PLEKHG1: variants seen among roughly 807,000 people sequenced by gnomAD.
The protein encoded by PLEKHG1 is pleckstrin homology domain-containing family G member 1.
A neutral mutation model predicts 100.8 loss-of-function variants in PLEKHG1; 44 were observed. The observed-to-expected ratio is 0.44, with a 90% CI of 0.34 to 0.56. The LOEUF is 0.56. Among genes scored for constraint, PLEKHG1 ranks in the 20% least tolerant of loss-of-function variants. The pLI is 0.01. For synonymous variants in PLEKHG1, 640 were observed against 662.5 expected, an observed-to-expected ratio of 0.97 and a Z score of 0.52; for missense variants, 1,545 against 1,720.9, an observed-to-expected ratio of 0.90 and a Z score of 1.81.
At chr6:150,777,937 C>T (rs1328985618) in intron 3 of PLEKHG1, among the ~76,000 whole-genome samples, 2 of 152,264 alleles carry the variant, frequency 1.3e-5, no homozygotes, top group African/African-American at 4.8e-5. Flanking sequence ...GGAGTGTCTT[C>T]AGTGGCTGAT....
chr6:150,785,545 A>G (rs553269027), intron 3 of PLEKHG1, among the ~76,000 whole-genome samples: 1 of 152,230 alleles, frequency 6.6e-6, no homozygotes, highest in East Asian at 1.9e-4. Context: ...TAGTAAAAAA[A>G]TAACATGAAT....
intron 12 of PLEKHG1, among the ~76,000 whole-genome samples, chr6:150,820,070 G>A (rs1252300880): frequency 2.0e-5 from 3 of 152,102 alleles, no homozygotes; most frequent in Non-Finnish European, 2.9e-5. Flanking sequence ...TTAGCCAGGC[G>A]TGGTGGTGTG....
intron 3 of PLEKHG1, among the ~76,000 whole-genome samples, chr6:150,670,245 A>G (rs1296407376): frequency 1.3e-5 from 2 of 152,234 alleles, no homozygotes; most frequent in Non-Finnish European, 2.9e-5. Context: ...TTTTCTAATA[A>G]AAAATCAACT....
intron 2 of PLEKHG1, among the ~76,000 whole-genome samples, chr6:150,758,977 C>T (rs1430020108): frequency 6.6e-6 from 1 of 152,230 alleles, no homozygotes; most frequent in Non-Finnish European, 1.5e-5. Context: ...TAGCATGGTG[C>T]TCAGAGAGCT....
chr6:150,804,785 G>A (rs1159301305), intron 7 of PLEKHG1, 44 bp downstream of exon 8: 5 of 1,591,556 alleles, frequency 3.1e-6, no homozygotes, highest in Admixed American at 3.4e-5. Flanking sequence ...TGCAGGTGTA[G>A]TGACTTACTG....
At chr6:150,672,704 G>A (rs757936137) in intron 3 of PLEKHG1, among the ~76,000 whole-genome samples, 4 of 152,166 alleles carry the variant, frequency 2.6e-5, no homozygotes, top group Non-Finnish European at 5.9e-5. Context: ...ATTTTATAAC[G>A]ACAGGAAGAT....
chr6:150,785,700 A>G (rs1562517247), intron 3 of PLEKHG1, among the ~76,000 whole-genome samples: 2 of 152,068 alleles, frequency 1.3e-5, no homozygotes, highest in Non-Finnish European at 2.9e-5. Flanking sequence ...GACCAGAGCC[A>G]TGGAGTCCCC....
intron 4 of PLEKHG1, among the ~76,000 whole-genome samples, chr6:150,790,307 G>A (rs888189339): frequency 6.6e-6 from 1 of 152,274 alleles, no homozygotes; most frequent in East Asian, 1.9e-4. Flanking sequence ...GATTACAGGC[G>A]TGAGCCACCG....
intron 1 of PLEKHG1, among the ~76,000 whole-genome samples, chr6:150,724,292 T>C (rs988728028): frequency 3.2e-4 from 48 of 152,210 alleles, no homozygotes; most frequent in African/African-American, 1.1e-3. Flanking sequence ...CTTGACCACA[T>C]GGCCAATATC....
At chr6:150,762,961 C>T (rs13215727) in intron 2 of PLEKHG1, among the ~76,000 whole-genome samples, 3 of 150,382 alleles carry the variant, frequency 2.0e-5, no homozygotes, top group African/African-American at 7.4e-5. Context: ...TGGTCAAACT[C>T]TGAACTTCTT....
intron 3 of PLEKHG1, chr6:150,664,327 T>G (rs1380459826): frequency 6.6e-6 from 1 of 152,218 alleles, no homozygotes; most frequent in African/African-American, 2.4e-5. Flanking sequence ...ACTGATGGGC[T>G]TACATCCGGC....
intron 3 of PLEKHG1, among the ~76,000 whole-genome samples, chr6:150,654,154 C>T (rs762981327): frequency 1.3e-5 from 2 of 152,150 alleles, no homozygotes; most frequent in Non-Finnish European, 2.9e-5. Flanking sequence ...CAGGACTGCC[C>T]GGGCGGCAGA....
intron 4 of PLEKHG1, among the ~76,000 whole-genome samples, chr6:150,789,457 T>C (rs1243093300): frequency 6.6e-6 from 1 of 152,112 alleles, no homozygotes; most frequent in African/African-American, 2.4e-5. Context: ...TTAATTCCAG[T>C]TAAAGATATA....
At chr6:150,650,949 T>C (rs1213055188) in intron 3 of PLEKHG1, 163 bp downstream of exon 2, 1 of 152,172 alleles carries the variant, frequency 6.6e-6, no homozygotes, top group African/African-American at 2.4e-5. Context: ...GGGAATATGT[T>C]CCAAGCGCCC....
chr6:150,652,264 T>C (rs1044774111), intron 3 of PLEKHG1, among the ~76,000 whole-genome samples: 5 of 152,216 alleles, frequency 3.3e-5, no homozygotes, highest in African/African-American at 1.2e-4. Flanking sequence ...CTAAGTACTT[T>C]AACTCATCAG....
intron 15 of PLEKHG1, among the ~76,000 whole-genome samples, chr6:150,835,099 C>G (rs368257295): frequency 1.3e-5 from 2 of 152,160 alleles, no homozygotes; most frequent in Non-Finnish European, 2.9e-5. Context: ...CCGAAACTCT[C>G]GAGCATCTTT....
chr6:150,740,571 T>C (rs1035531633), intron 2 of PLEKHG1, among the ~76,000 whole-genome samples: 3 of 152,210 alleles, frequency 2.0e-5, no homozygotes, highest in Non-Finnish European at 4.4e-5. Flanking sequence ...CTAACGTTTT[T>C]TAAATACCGA....
At chr6:150,761,899 T>G (rs1369004274) in intron 2 of PLEKHG1, among the ~76,000 whole-genome samples, 2 of 152,158 alleles carry the variant, frequency 1.3e-5, no homozygotes, top group Non-Finnish European at 2.9e-5. Context: ...CTCCTCACTA[T>G]GAGAAAGCTC....
intron 1 of PLEKHG1, among the ~76,000 whole-genome samples, chr6:150,608,696 T>A (rs895974566): frequency 6.6e-6 from 1 of 152,178 alleles, no homozygotes; most frequent in Non-Finnish European, 1.5e-5. Context: ...ATAGTACTAG[T>A]TTAAGTTGGT....
Sources: gnomAD v4.1 joint callset for allele counts (sites outside exome capture counted in the v4.1 genomes callset) on GRCh38, gnomAD v4.1.1 for gene constraint, MANE v1.5 for transcripts, NCBI Gene and HGNC (gene_info 2026-07-23, HGNC 2026-07-21) for gene names.